NOS1: variants seen among roughly 807,000 people sequenced by gnomAD.
The protein encoded by NOS1 is NOS type I.
Under a neutral mutation model 164.5 loss-of-function variants are expected in NOS1, and 51 were observed. The observed-to-expected ratio is 0.31, with a 90% CI of 0.25 to 0.39. NOS1 has a LOEUF of 0.39. Among genes scored for constraint, NOS1 ranks in the 10% least tolerant of loss-of-function variants. NOS1 has a pLI of 1.00. For synonymous variants in NOS1, 719 were observed against 745.8 expected (o/e 0.96, Z 0.59); for missense variants, 1,362 against 1,885.6 (o/e 0.72, Z 5.14).
rs116851835 is a variant in NOS1, at chr12:117,301,097, G to A, written c.852+10369C>T. 1.4e-4 allele frequency among the ~76,000 whole-genome samples: 21 copies of A among 152,232 alleles called. No individual in the cohort carries two copies. In the East Asian group the frequency reaches 3.1e-3, roughly 22 times the overall value. The stretch of plus-strand genomic sequence containing the variant: ...ATCAAATGAGAAGAGGGGATGGCTC[G>A]GCTGTGAACTGCTCCAGGGCAGTGA... On this transcript the variant is annotated intron_variant, in intron 3 of 28. Coordinates refer to ENST00000317775, the MANE Select transcript of NOS1 (RefSeq NM_000620.5).
chr12:117,270,853 T>C (rs1226345742), intron 10 of NOS1, among the ~76,000 whole-genome samples: 1 of 152,028 alleles, frequency 6.6e-6, no homozygotes, highest in Non-Finnish European at 1.5e-5. Flanking sequence ...CTGGCCAACA[T>C]GGTGAAACCT....
rs1191320660 is a variant in NOS1 at position 117,361,532 on chromosome 12, T to C, written c.-441A>G. 1 of 151,968 alleles carries C rather than the reference T, an allele frequency of 6.6e-6. No individual in the cohort carries two copies. Among genetic ancestry groups the C allele is most frequent in the Non-Finnish European group, 1.5e-5 (1 of 68,070 alleles). The allele number at this position is 151,968 out of a possible 1,614,324, so 9.4% of individuals were successfully genotyped here. On this transcript the variant is annotated 5_prime_UTR_variant, in exon 1 of 29. Coordinates refer to ENST00000317775, the MANE Select transcript of NOS1 (RefSeq NM_000620.5). ...CTCACCCCGTCCGCTCGGCCGCTGC[T>C]CGCTGCCCGGCCGCCCCTCGGAGGA...
intron 16 of NOS1, chr12:117,256,102 G>A: frequency 1.2e-6 from 1 of 860,834 alleles, no homozygotes; most frequent in Non-Finnish European, 1.7e-6. Flanking sequence ...AACCTGCTGG[G>A]AGGCCATCTA....
rs1315009083 is a variant in NOS1, at chr12:117,243,340, C to T, written c.2919G>A (p.Lys973=). The stretch of plus-strand genomic sequence containing the variant: ...CTTCGGCCACAAAGGTGAGGCGGAA[C>T]TTGTTTCTCTTCCAGCTGCGATCAT... ...ISNDRSWKRN[K]FRLTFVAEAP... The change falls in exon 19 of 29, where the codon AAG becomes AAA. Residue 973 remains lysine, a synonymous_variant. Coordinates refer to ENST00000317775, the MANE Select transcript of NOS1 (RefSeq NM_000620.5). This position sits in a 1 kb window ranked among gnomAD's most constrained non-coding sequence, Gnocchi z 4.3. The T allele has an allele frequency of 4.3e-6, 7 of 1,614,026 alleles. No individual in the cohort carries two copies. Among genetic ancestry groups the T allele is most frequent in the Non-Finnish European group, 5.9e-6 (7 of 1,180,046 alleles).
Position 117,272,358 on chromosome 12 carries a change from CCT to C in NOS1, c.1839+25_1839+26del. On this transcript the variant is annotated intron_variant, in intron 10 of 28. Coordinates refer to ENST00000317775, the MANE Select transcript of NOS1 (RefSeq NM_000620.5). This position sits in a 1 kb window ranked among gnomAD's most constrained non-coding sequence, Gnocchi z 4.3. ...GGCACCCTCTGCTATGTGCTTTTCCCCTGTGGTGACCAGAGAGGGCCCTTACC... is the reference window on the plus strand; with the variant it reads ...GGCACCCTCTGCTATGTGCTTTTCCCGTGGTGACCAGAGAGGGCCCTTACC... The C allele has an allele frequency of 6.2e-7, 1 of 1,613,456 alleles. No homozygotes were observed. The highest frequency in any genetic ancestry group is 8.5e-7 in the Non-Finnish European group (1 of 1,179,636).
At chr12:117,278,435 G>A (rs926142682) in intron 8 of NOS1, among the ~76,000 whole-genome samples, 2 of 152,154 alleles carry the variant, frequency 1.3e-5, no homozygotes, top group East Asian at 1.9e-4. Context: ...TGTTTTCCAG[G>A]TCTTCCCTGC....
At chr12:117,283,056 ATTTTTTTTT>A (rs201451951) in intron 7 of NOS1, among the ~76,000 whole-genome samples, 2 of 92,954 alleles carry the variant, frequency 2.2e-5, no homozygotes, top group African/African-American at 7.2e-5. Context: ...ATATATATAT[ATTTTTTTTT>A]TTTTTTTTGA....
At chr12:117,261,849 G>A (rs533329846) in intron 13 of NOS1, among the ~76,000 whole-genome samples, 1 of 152,290 alleles carries the variant, frequency 6.6e-6, no homozygotes, top group African/African-American at 2.4e-5. Context: ...ACCCTGGGAA[G>A]TCTGAACATC....
intron 2 of NOS1, among the ~76,000 whole-genome samples, chr12:117,321,839 C>T (rs964430955): frequency 2.6e-5 from 4 of 151,934 alleles, no homozygotes; most frequent in African/African-American, 9.7e-5. Flanking sequence ...CGTGAGTCCT[C>T]GAAGCAAAAA....
intron 13 of NOS1, among the ~76,000 whole-genome samples, chr12:117,261,751 G>A (rs575437198): frequency 6.6e-6 from 1 of 152,298 alleles, no homozygotes; most frequent in South Asian, 2.1e-4. Flanking sequence ...CCAAGGGTTT[G>A]AAACCAGCTT....
intron 1 of NOS1, among the ~76,000 whole-genome samples, chr12:117,349,400 T>G (rs1394722770): frequency 1.3e-5 from 2 of 152,258 alleles, no homozygotes; most frequent in African/African-American, 4.8e-5. Context: ...TTTCCACCCT[T>G]TGGCTATCGT....
chr12:117,360,656 C>T (rs1424181505), intron 1 of NOS1, among the ~76,000 whole-genome samples: 3 of 152,206 alleles, frequency 2.0e-5, no homozygotes, highest in Non-Finnish European at 4.4e-5. Flanking sequence ...GGGAGCGGAG[C>T]CCTCCCAGCC....
Position 117,208,459 on chromosome 12 carries a change from C to T in NOS1, c.*6850G>A. 7.9e-7 allele frequency: 1 copy of T among 1,271,030 alleles called. No individual in the cohort carries two copies. The highest frequency in any genetic ancestry group is 1.0e-6 in the Non-Finnish European group (1 of 978,798). 78.7% of individuals were successfully genotyped at this position (1,271,030 alleles called of 1,614,324 possible). ...CCAGGTCTGCCCACCTCCCCAGCTT[C>T]CCAAGCCCGGAACGGACACTGCGAC... is the stretch of plus-strand genomic sequence containing the variant. On this transcript the variant is annotated 3_prime_UTR_variant, in exon 29 of 29. Coordinates refer to ENST00000317775, the MANE Select transcript of NOS1 (RefSeq NM_000620.5).
chr12:117,261,347 A>T (rs975416790), intron 13 of NOS1, among the ~76,000 whole-genome samples: 2 of 152,042 alleles, frequency 1.3e-5, no homozygotes, highest in African/African-American at 2.4e-5. Flanking sequence ...TCTCTCTTTC[A>T]TTCATCAAAT....
intron 1 of NOS1, among the ~76,000 whole-genome samples, chr12:117,341,238 C>T (rs1296271140): frequency 2.0e-5 from 3 of 152,150 alleles, no homozygotes; most frequent in Admixed American, 2.0e-4. Flanking sequence ...TCCTGTCTCC[C>T]ATGGGAGTCG....
At chr12:117,322,476 CCCT>C (rs1875013737) in intron 2 of NOS1, among the ~76,000 whole-genome samples, 1 of 142,962 alleles carries the variant, frequency 7.0e-6, no homozygotes, top group African/African-American at 2.6e-5. Flanking sequence ...TTTCTCCCTT[CCCT>C]CCTTCCTTTC....
At chr12:117,336,513 T>C (rs377617486) in intron 1 of NOS1, among the ~76,000 whole-genome samples, 19 of 152,076 alleles carry the variant, frequency 1.2e-4, no homozygotes, top group African/African-American at 4.1e-4. Flanking sequence ...GCTGCAAGAG[T>C]AAAGTGCACA....
chr12:117,344,577 T>A (rs1296056725), intron 1 of NOS1, among the ~76,000 whole-genome samples: 2 of 152,206 alleles, frequency 1.3e-5, no homozygotes, highest in African/African-American at 4.8e-5. Context: ...GGGACTCAAG[T>A]CAAGTTTGTC....
At chr12:117,321,681 T>C (rs1045869162) in intron 2 of NOS1, among the ~76,000 whole-genome samples, 1 of 152,138 alleles carries the variant, frequency 6.6e-6, no homozygotes, top group African/African-American at 2.4e-5. Flanking sequence ...GCTTAGTTCC[T>C]TAATTGAAAT....
Sources: gnomAD v4.1 joint callset for allele counts (sites outside exome capture counted in the v4.1 genomes callset) on GRCh38, gnomAD v4.1.1 for gene constraint, Gnocchi (gnomAD v3.1) non-coding constraint, MANE v1.5 for transcripts, NCBI Gene and HGNC (gene_info 2026-07-23, HGNC 2026-07-21) for gene names.